The following RAD18 variants were observed in gnomAD, a reference collection of about 807,000 sequenced individuals.
RAD18 encodes the protein RAD18 E3 ubiquitin protein ligase, also known as E3 ubiquitin-protein ligase RAD18.
RAD18 carries 47 observed loss-of-function variants against 60.4 expected under a neutral mutation model. The ratio of observed to expected loss-of-function variants is 0.78; its 90% confidence interval spans 0.62 to 0.99. RAD18 has a LOEUF of 0.99. RAD18 is among the 50% of genes least tolerant of loss of function. The pLI, the probability that RAD18 is intolerant of heterozygous loss-of-function variation, is 0.00. For missense variants in RAD18, 640 were observed against 593.3 expected (o/e 1.08, Z -0.82); for synonymous variants, 225 against 195.5 (o/e 1.15, Z -1.26).
Position 8,912,306 on chromosome 3 carries a change from A to G in RAD18, c.1027+6T>C, listed in dbSNP as rs753735730. 2 of 1,551,180 alleles carry G rather than the reference A, an allele frequency of 1.3e-6. No individual in the cohort carries two copies. The highest frequency in any genetic ancestry group is 1.2e-5 in the South Asian group (1 of 81,104). On this transcript the variant is annotated splice_donor_region_variant and intron_variant, in intron 9 of 12. Coordinates refer to ENST00000264926, the MANE Select transcript of RAD18 (RefSeq NM_020165.4). Reference sequence around the variant, plus strand: ...TTTACAAATTAAATAAAGTCGTGCAACTTACGATATTTACTGTGGATTTCA... The same window carrying G: ...TTTACAAATTAAATAAAGTCGTGCAGCTTACGATATTTACTGTGGATTTCA...
chr3:8,930,326 T>C (rs1940530323), intron 7 of RAD18, among the ~76,000 whole-genome samples: 1 of 152,206 alleles, frequency 6.6e-6, no homozygotes. Flanking sequence ...ACATGCTATA[T>C]GGTTCCACTT....
intron 1 of RAD18, among the ~76,000 whole-genome samples, chr3:8,960,184 G>A (rs984222255): frequency 3.9e-5 from 6 of 152,172 alleles, no homozygotes; most frequent in Non-Finnish European, 7.3e-5. Flanking sequence ...GCGCATGCCT[G>A]TAGTCCCAGC....
intron 2 of RAD18, among the ~76,000 whole-genome samples, chr3:8,950,143 G>C (rs976872808): frequency 6.6e-6 from 1 of 152,042 alleles, no homozygotes; most frequent in East Asian, 1.9e-4. Flanking sequence ...TGATTCTCCC[G>C]CCTCAGCCTC....
At position 8,941,681 on chromosome 3, in the gene RAD18, GCTCC is replaced by G; in HGVS notation, c.386_389del (p.Gly129AlafsTer3). 1.2e-6 allele frequency: 2 copies of G among 1,614,054 alleles called. No homozygotes were observed. The highest frequency in any genetic ancestry group is 1.7e-6 in the Non-Finnish European group (2 of 1,179,972). ...TGATCAAGAAATTATCCATTAACCT[GCTCC>G]CCTGCTTTAAAGACTGTCTGGAGGC... On this transcript the variant is annotated frameshift_variant, in exon 5 of 13. Coordinates refer to ENST00000264926, the MANE Select transcript of RAD18 (RefSeq NM_020165.4). LOFTEE classifies it high-confidence loss of function.
chr3:8,953,125 A>G (rs1940953121), intron 2 of RAD18, among the ~76,000 whole-genome samples: 1 of 151,252 alleles, frequency 6.6e-6, no homozygotes, highest in South Asian at 2.1e-4. Context: ...TTTATAATAA[A>G]TATATACTGT....
intron 5 of RAD18, among the ~76,000 whole-genome samples, chr3:8,940,815 A>C (rs1940734325): frequency 6.6e-6 from 1 of 152,238 alleles, no homozygotes; most frequent in Non-Finnish European, 1.5e-5. Context: ...TTCTTAGTGA[A>C]GGGCCAGGTA....
At chr3:8,898,324 T>C (rs1939831194) in intron 11 of RAD18, among the ~76,000 whole-genome samples, 2 of 151,886 alleles carry the variant, frequency 1.3e-5, no homozygotes, top group South Asian at 4.1e-4. Flanking sequence ...AACGTAACAT[T>C]TATGACATAA....
rs1001559813 is a variant in RAD18 at position 8,890,262 on chromosome 3, C to G, written c.1385+127G>C. ...CAAGTAGTAAACTGAAAATCTTTAC[C>G]TTGCATGAGGATTACTACTTCTTTA... On this transcript the variant is annotated intron_variant, in intron 12 of 12. Transcript: ENST00000264926. The G allele has an allele frequency of 2.5e-5, 17 of 690,836 alleles. No homozygotes were observed. The African/African-American group carries it at 2.9e-4, about 12-fold the overall frequency. The allele number at this position is 690,836 out of a possible 1,614,324, so 42.8% of individuals were successfully genotyped here.
At chr3:8,935,113 A>G (rs529006195) in intron 7 of RAD18, among the ~76,000 whole-genome samples, 1 of 152,228 alleles carries the variant, frequency 6.6e-6, no homozygotes, top group East Asian at 1.9e-4. Context: ...TGATCTCAGT[A>G]CTGGCTACAA....
At chr3:8,914,080 C>A (rs894144001) in intron 7 of RAD18, among the ~76,000 whole-genome samples, 1 of 152,114 alleles carries the variant, frequency 6.6e-6, no homozygotes, top group Non-Finnish European at 1.5e-5. Context: ...TGCTCAAATT[C>A]CAATGTACTA....
At chr3:8,941,290 C>T (rs1940742154) in intron 5 of RAD18, among the ~76,000 whole-genome samples, 177 bp downstream of exon 5, 1 of 152,150 alleles carries the variant, frequency 6.6e-6, no homozygotes, top group Non-Finnish European at 1.5e-5. Flanking sequence ...GCCTGAATTC[C>T]TGTTTCTGAG....
At chr3:8,928,151 T>C (rs1191896541) in intron 7 of RAD18, among the ~76,000 whole-genome samples, 2 of 149,896 alleles carry the variant, frequency 1.3e-5, no homozygotes, top group African/African-American at 2.5e-5. Flanking sequence ...TAAAAATGCA[T>C]ATAGTAAACT....
Position 8,935,962 on chromosome 3 carries a change from A to G in RAD18, c.798T>C (p.Ser266=). 6.2e-7 allele frequency: 1 copy of G among 1,611,068 alleles called. No individual in the cohort carries two copies. The highest frequency in any genetic ancestry group is 1.1e-5 in the South Asian group (1 of 90,910). Residue 266 remains serine, a synonymous_variant, in exon 7 of 13, where the codon TCT becomes TCC. Coordinates refer to ENST00000264926, the MANE Select transcript of RAD18 (RefSeq NM_020165.4). ...TGAGCTGTTGTTTATTTCCTTGAAT[A>G]GATAATCCATGCTCTTTTAGCTTTT... ...LKKKLKEHGL[S]IQGNKQQLIK...
intron 6 of RAD18, among the ~76,000 whole-genome samples, chr3:8,938,937 TAC>T (rs1356720492): frequency 2.0e-5 from 3 of 152,118 alleles, no homozygotes; most frequent in South Asian, 2.1e-4. Flanking sequence ...CATGAGAAAT[TAC>T]AGTTATTTTC....
At chr3:8,963,220 C>T in intron 1 of RAD18, 115 bp downstream of exon 1, 1 of 1,191,082 alleles carries the variant, frequency 8.4e-7, no homozygotes, top group Non-Finnish European at 1.2e-6. Flanking sequence ...GATACCCGGG[C>T]CCAGTGCGAC....
At chr3:8,958,803 C>A (rs1316153618) in intron 2 of RAD18, 117 bp downstream of exon 2, 2 of 781,210 alleles carry the variant, frequency 2.6e-6, no homozygotes, top group Admixed American at 4.8e-5. Flanking sequence ...TGAAAAACTA[C>A]AAGATAGAAG....
intron 12 of RAD18, among the ~76,000 whole-genome samples, chr3:8,889,435 C>A (rs1395518471): frequency 6.6e-6 from 1 of 152,136 alleles, no homozygotes; most frequent in Non-Finnish European, 1.5e-5. Context: ...GGTTAAAATG[C>A]CTAACTTATA....
At chr3:8,961,534 A>G (rs1022268901) in intron 1 of RAD18, among the ~76,000 whole-genome samples, 1 of 152,244 alleles carries the variant, frequency 6.6e-6, no homozygotes, top group African/African-American at 2.4e-5. Context: ...ATTCTGAGTC[A>G]GACTTCTATT....
chr3:8,941,610 T>G lies in RAD18; in HGVS notation c.461A>C (p.Lys154Thr), dbSNP rs147348560. The G allele has an allele frequency of 8.7e-6, 14 of 1,614,062 alleles. No homozygotes were observed. The African/African-American group carries it at 1.7e-4, about 20-fold the overall frequency. The change falls in exon 5 of 13, where the codon AAA (lysine) becomes ACA (threonine). Residue 154 changes from lysine to threonine, a missense_variant. Transcript: ENST00000264926. ...CTCTTTTTGAGGGCTGAATTTGCTT[T>G]TATTTTCTTTTATCAACAACTCTGA... ...STSELLIKENKSKFSPQKEAS... is the reference protein window; with the variant it reads ...STSELLIKENTSKFSPQKEAS...
Sources: gnomAD v4.1 joint callset for allele counts (sites outside exome capture counted in the v4.1 genomes callset) on GRCh38, gnomAD v4.1.1 for gene constraint, MANE v1.5 for transcripts, NCBI Gene and HGNC (gene_info 2026-07-23, HGNC 2026-07-21) for gene names.